The following SPATA16 variants were observed in gnomAD, a reference collection of about 807,000 sequenced individuals.
The protein encoded by SPATA16 is spermatogenesis associated 16.
A neutral mutation model predicts 63.3 loss-of-function variants in SPATA16; 36 were observed. The observed-to-expected ratio is 0.57, with a 90% CI of 0.44 to 0.75. The LOEUF is 0.75. Ranked by LOEUF, SPATA16 falls within the 30% of genes least tolerant of loss-of-function variation. The pLI, the probability that SPATA16 is intolerant of heterozygous loss-of-function variation, is 0.00. For synonymous variants in SPATA16, 203 were observed against 216.7 expected, an observed-to-expected ratio of 0.94 and a Z score of 0.56; for missense variants, 646 against 679.3, an observed-to-expected ratio of 0.95 and a Z score of 0.54.
intron 2 of SPATA16, among the ~76,000 whole-genome samples, chr3:173,066,889 G>T (rs1046277164): frequency 4.6e-5 from 7 of 152,114 alleles, no homozygotes; most frequent in African/African-American, 1.7e-4. Flanking sequence ...ATTCAAAACA[G>T]CTGTCTTGAG....
At chr3:172,966,037 A>G (rs1733912987) in intron 5 of SPATA16, among the ~76,000 whole-genome samples, 2 of 152,196 alleles carry the variant, frequency 1.3e-5, no homozygotes, top group African/African-American at 2.4e-5. Context: ...CCTAACATCA[A>G]AATGTCTCAG....
At chr3:173,035,781 A>G (rs752032356) in intron 3 of SPATA16, among the ~76,000 whole-genome samples, 7 of 151,936 alleles carry the variant, frequency 4.6e-5, no homozygotes, top group Non-Finnish European at 7.4e-5. Flanking sequence ...CATGAGGTAA[A>G]TTTTCATAAT....
At chr3:172,935,448 A>G (rs1732962678) in intron 6 of SPATA16, among the ~76,000 whole-genome samples, 1 of 152,260 alleles carries the variant, frequency 6.6e-6, no homozygotes, top group Non-Finnish European at 1.5e-5. Flanking sequence ...GAAAAAACAT[A>G]AAATATTAGA....
At chr3:173,063,353 G>A (rs1036653830) in intron 2 of SPATA16, among the ~76,000 whole-genome samples, 10 of 152,278 alleles carry the variant, frequency 6.6e-5, no homozygotes, top group Admixed American at 4.6e-4. Context: ...GCTAGAACAT[G>A]CAAAAGTGGA....
chr3:173,051,690 A>G (rs1178236330), intron 2 of SPATA16, among the ~76,000 whole-genome samples: 4 of 152,124 alleles, frequency 2.6e-5, no homozygotes, highest in Non-Finnish European at 5.9e-5. Context: ...AATCTTACTC[A>G]AATCTCCTCT....
intron 2 of SPATA16, among the ~76,000 whole-genome samples, chr3:173,066,073 G>T (rs763559141): frequency 4.4e-4 from 67 of 152,216 alleles, no homozygotes; most frequent in Non-Finnish European, 6.6e-4. Flanking sequence ...TTCCACTTGG[G>T]GGAAGGAGAA....
intron 3 of SPATA16, among the ~76,000 whole-genome samples, chr3:173,044,756 A>G (rs1165998034): frequency 1.3e-5 from 2 of 152,146 alleles, no homozygotes; most frequent in East Asian, 3.8e-4. Flanking sequence ...AAATATGTTA[A>G]GATGTTGAGG....
chr3:172,928,718 A>G (rs1188476855), intron 6 of SPATA16, among the ~76,000 whole-genome samples: 2 of 152,154 alleles, frequency 1.3e-5, no homozygotes, highest in Admixed American at 1.3e-4. Context: ...CAAAAATGTA[A>G]ATATTCTCTG....
chr3:173,094,043 C>CT (rs11351279), intron 2 of SPATA16, among the ~76,000 whole-genome samples: 24,515 of 144,266 alleles, frequency 0.17, 2,716 homozygotes, highest in African/African-American at 0.32. Context: ...ATTCCTTTTT[C>CT]TTTTTTTTTT....
At chr3:173,005,486 G>A (rs1191703602) in intron 4 of SPATA16, among the ~76,000 whole-genome samples, 4 of 151,966 alleles carry the variant, frequency 2.6e-5, no homozygotes, top group African/African-American at 9.7e-5. Context: ...AATATGCAAG[G>A]CTGGATCTAA....
chr3:173,035,209 T>C (rs1040141243), intron 3 of SPATA16, among the ~76,000 whole-genome samples: 3 of 152,086 alleles, frequency 2.0e-5, no homozygotes, highest in South Asian at 2.1e-4. Flanking sequence ...ACATAACCAG[T>C]AATCAACACA....
chr3:173,032,132 T>C (rs1362074700), intron 3 of SPATA16, among the ~76,000 whole-genome samples: 2 of 152,028 alleles, frequency 1.3e-5, no homozygotes, highest in Non-Finnish European at 2.9e-5. Context: ...CAGAAGAAAA[T>C]GAGGTTTTGA....
Position 172,924,304 on chromosome 3 carries a change from A to G in SPATA16, c.1242T>C (p.Pro414=). 6.2e-7 allele frequency: 1 copy of G among 1,612,760 alleles called. No individual in the cohort carries two copies. Among genetic ancestry groups the G allele is most frequent in the Non-Finnish European group, 8.5e-7 (1 of 1,179,324 alleles). The change falls in exon 8 of 11, where the codon CCT becomes CCC. Residue 414 remains proline, a synonymous_variant. Coordinates refer to ENST00000351008, the MANE Select transcript of SPATA16 (RefSeq NM_031955.6). ...CTGTATCTTCTCTGGTCAGACCGAA[A>G]GGTGTTTTATGCTCTAAAAATTGTA... The part of the protein sequence containing the change: ...KLPIFTEHKT[P]FGLTREDTVR...
At chr3:172,909,254 G>A (rs935963971) in intron 10 of SPATA16, among the ~76,000 whole-genome samples, 2 of 152,088 alleles carry the variant, frequency 1.3e-5, no homozygotes, top group East Asian at 1.9e-4. Context: ...CCAAGATGGT[G>A]CCATCATTTT....
At chr3:173,037,959 AT>A (rs1244003968) in intron 3 of SPATA16, among the ~76,000 whole-genome samples, 6 of 152,152 alleles carry the variant, frequency 3.9e-5, no homozygotes, top group African/African-American at 1.2e-4. Context: ...ATCCTAAAAA[AT>A]ATCCATATCC....
At chr3:172,937,022 G>A (rs80321960) in intron 6 of SPATA16, among the ~76,000 whole-genome samples, 1,705 of 152,248 alleles carry the variant, frequency 0.011, 62 homozygotes, top group East Asian at 0.025. Flanking sequence ...CAGTGCTATG[G>A]GACTGAGCCT....
intron 5 of SPATA16, among the ~76,000 whole-genome samples, chr3:172,966,598 T>C (rs545537072): frequency 1.2e-4 from 19 of 152,292 alleles, no homozygotes; most frequent in African/African-American, 4.6e-4. Flanking sequence ...GTCTCATTAT[T>C]TGGAAGGGAG....
chr3:172,961,753 A>G (rs1733790954), intron 5 of SPATA16, among the ~76,000 whole-genome samples: 1 of 152,138 alleles, frequency 6.6e-6, no homozygotes, highest in Non-Finnish European at 1.5e-5. Context: ...TAGAGTCTCT[A>G]ATGTTATATT....
chr3:173,070,352 G>A (rs892880270), intron 2 of SPATA16, among the ~76,000 whole-genome samples: 3 of 146,632 alleles, frequency 2.0e-5, no homozygotes, highest in Non-Finnish European at 4.5e-5. Context: ...CTAAGAGCAT[G>A]TCAATGCATT....
Sources: allele counts gnomAD v4.1 joint callset (sites outside exome capture counted in the v4.1 genomes callset), GRCh38; gene constraint gnomAD v4.1.1; transcripts MANE v1.5; gene names NCBI Gene and HGNC (gene_info 2026-07-23, HGNC 2026-07-21).